The following LPP variants were observed in gnomAD, a reference collection of about 807,000 sequenced individuals.
The protein encoded by LPP is lipoma-preferred partner.
In LPP, 38 loss-of-function variants were observed where a neutral mutation model predicts 60.4. That is an observed-to-expected ratio of 0.63 (90% confidence interval 0.49 to 0.83). The LOEUF is 0.83. LPP is among the 40% of genes least tolerant of loss of function. LPP has a pLI of 0.00. For synonymous variants in LPP, 328 were observed against 290.8 expected (o/e 1.13, Z -1.30); for missense variants, 902 against 783.6 (o/e 1.15, Z -1.80).
chr3:188,179,908 G>T (rs1724408190), intron 1 of LPP: 1 of 204,270 alleles, frequency 4.9e-6, no homozygotes, highest in Non-Finnish European at 1.0e-5. Context: ...GAAATTACTT[G>T]TGAAGCAACA....
In LPP at chr3:188,281,146, T is replaced by C. The variant is rs868185655; in HGVS notation, c.-67+55619T>C. Among the ~76,000 whole-genome samples the C allele has an allele frequency of 2.0e-5, 3 of 152,150 alleles. No homozygotes were observed. In the South Asian group the frequency reaches 6.2e-4, roughly 32 times the overall value. ...AAGAGCTTAAAACAATTTGCACATA[T>C]GAATTATTTAATAAATGTGGTTCTT... is the stretch of plus-strand genomic sequence containing the variant. On this transcript the variant is annotated intron_variant, in intron 2 of 11. Transcript: ENST00000617246.
chr3:188,843,167 T>G (rs1349525332), intron 9 of LPP, among the ~76,000 whole-genome samples: 1 of 152,184 alleles, frequency 6.6e-6, no homozygotes, highest in Non-Finnish European at 1.5e-5. Flanking sequence ...ATGAACTGTA[T>G]CTTTGGCTCA....
At chr3:188,314,237 C>T (rs772534177) in intron 2 of LPP, among the ~76,000 whole-genome samples, 1 of 151,910 alleles carries the variant, frequency 6.6e-6, no homozygotes, top group African/African-American at 2.4e-5. Flanking sequence ...CATTGGCTTT[C>T]GATTTGAGAA....
At chr3:188,694,838 A>T (rs918544493) in intron 7 of LPP, among the ~76,000 whole-genome samples, 13 of 152,372 alleles carry the variant, frequency 8.5e-5, no homozygotes, top group Admixed American at 7.2e-4. Flanking sequence ...CTATATCATT[A>T]AAAAATGTTT....
At chr3:188,690,999 T>G (rs1196439170) in intron 7 of LPP, among the ~76,000 whole-genome samples, 1 of 152,168 alleles carries the variant, frequency 6.6e-6, no homozygotes, top group African/African-American at 2.4e-5. Context: ...CTATCCATAT[T>G]TTTCCCTAGA....
chr3:188,827,536 G>A (rs996512118), intron 9 of LPP, among the ~76,000 whole-genome samples: 3 of 152,182 alleles, frequency 2.0e-5, no homozygotes, highest in African/African-American at 7.2e-5. Flanking sequence ...AAGACTTAAT[G>A]ACTGGAGTTC....
In LPP at chr3:188,879,849, T is replaced by G. The variant is rs1386217750; in HGVS notation, c.*5370T>G. ...TTTTCAGCAGGTTGGACAGCACCAG[T>G]TTTTCTTAGATCACAGACTACAGGC... On this transcript the variant is annotated 3_prime_UTR_variant, in exon 12 of 12. Transcript: ENST00000617246. 1 of 180,586 alleles carries G rather than the reference T, an allele frequency of 5.5e-6. No homozygotes were observed. The highest frequency in any genetic ancestry group is 9.1e-5 in the East Asian group (1 of 11,038). The allele number at this position is 180,586 out of a possible 1,614,324, so 11.2% of individuals were successfully genotyped here. A position where few individuals can be genotyped will look rare whatever the true frequency, so the allele number is the denominator to read the frequency against.
chr3:188,221,015 G>A (rs1715579989), intron 1 of LPP, among the ~76,000 whole-genome samples: 2 of 152,110 alleles, frequency 1.3e-5, no homozygotes, highest in East Asian at 1.9e-4. Flanking sequence ...TTCCCGAAAC[G>A]CAACACCTAT....
At chr3:188,788,130 A>G (rs141908051) in intron 9 of LPP, among the ~76,000 whole-genome samples, 2 of 152,272 alleles carry the variant, frequency 1.3e-5, no homozygotes, top group African/African-American at 4.8e-5. Flanking sequence ...CTGACATAAT[A>G]CTTTGGCTTC....
intron 3 of LPP, among the ~76,000 whole-genome samples, chr3:188,373,042 A>AT (rs55786764): frequency 0.9 from 136,346 of 151,628 alleles, 63,030 homozygotes; most frequent in Non-Finnish European, 1. Context: ...TGAACTCATC[A>AT]TTTTTATGGC....
chr3:188,564,275 T>C (rs958210940), intron 6 of LPP, among the ~76,000 whole-genome samples: 1 of 151,878 alleles, frequency 6.6e-6, no homozygotes, highest in Non-Finnish European at 1.5e-5. Context: ...GGGTAATTAG[T>C]AGGGGATAAT....
chr3:188,657,080 T>G (rs887268510), intron 7 of LPP, among the ~76,000 whole-genome samples: 1 of 151,912 alleles, frequency 6.6e-6, no homozygotes, highest in Non-Finnish European at 1.5e-5. Flanking sequence ...ATTGGCCCAT[T>G]TCCATGGAAC....
intron 2 of LPP, among the ~76,000 whole-genome samples, chr3:188,250,971 TCCCTTCCCTC>T (rs1729337550): frequency 7.2e-5 from 1 of 13,940 alleles, no homozygotes; most frequent in Non-Finnish European, 1.2e-4. Flanking sequence ...TCCCTTCCCT[TCCCTTCCCTC>T]CCCTCCCCTG....
intron 2 of LPP, among the ~76,000 whole-genome samples, chr3:188,333,625 G>T (rs957473206): frequency 1.3e-5 from 2 of 152,132 alleles, no homozygotes; most frequent in Admixed American, 1.3e-4. Context: ...TTCTGAGATA[G>T]CTTCATGTTT....
intron 5 of LPP, among the ~76,000 whole-genome samples, chr3:188,518,552 A>G (rs1818027124): frequency 6.6e-6 from 1 of 152,152 alleles, no homozygotes; most frequent in South Asian, 2.1e-4. Flanking sequence ...ACATTCCTTG[A>G]GCTCTGTGAA....
chr3:188,519,946 G>T (rs1309754510), intron 5 of LPP, among the ~76,000 whole-genome samples: 8 of 152,160 alleles, frequency 5.3e-5, no homozygotes, highest in African/African-American at 4.8e-5. Context: ...GTGATAGTTG[G>T]CCTGAAATAT....
intron 8 of LPP, among the ~76,000 whole-genome samples, chr3:188,714,094 A>G (rs1383787057): frequency 6.6e-6 from 1 of 152,134 alleles, no homozygotes; most frequent in African/African-American, 2.4e-5. Context: ...GGAAATAGAG[A>G]TTCAGAGAGG....
chr3:188,647,611 G>C (rs1426213761), intron 7 of LPP, among the ~76,000 whole-genome samples: 2 of 152,178 alleles, frequency 1.3e-5, no homozygotes, highest in Non-Finnish European at 2.9e-5. Flanking sequence ...ATGTGAGACA[G>C]AGAGTGCATT....
At chr3:188,723,133 A>G (rs1458767922) in intron 8 of LPP, among the ~76,000 whole-genome samples, 1 of 152,346 alleles carries the variant, frequency 6.6e-6, no homozygotes, top group Middle Eastern at 3.4e-3. Context: ...AATTGAAAAG[A>G]GACAAAATGA....
Sources: gnomAD v4.1 joint callset for allele counts (sites outside exome capture counted in the v4.1 genomes callset) on GRCh38, gnomAD v4.1.1 for gene constraint, MANE v1.5 for transcripts, NCBI Gene and HGNC (gene_info 2026-07-23, HGNC 2026-07-21) for gene names.